Variants in SLC7A14 observed in about 807,000 individuals in gnomAD.
SLC7A14 encodes the protein gamma-aminobutyric acid transporter SLC7A14.
Under a neutral mutation model 60.2 loss-of-function variants are expected in SLC7A14, and 37 were observed. The observed-to-expected ratio is 0.61, with a 90% CI of 0.47 to 0.81. SLC7A14 has a LOEUF of 0.81. Ranked by LOEUF, SLC7A14 falls within the 30% of genes least tolerant of loss-of-function variation. The pLI is 0.00. For synonymous variants in SLC7A14, 399 were observed against 395.8 expected, an observed-to-expected ratio of 1.01 and a Z score of -0.10; for missense variants, 886 against 982.7, an observed-to-expected ratio of 0.90 and a Z score of 1.32.
rs1389908387 is a variant in SLC7A14 at position 170,465,371 on chromosome 3, G to A, written c.*1684C>T. 6.6e-6 allele frequency: 1 copy of A among 152,250 alleles called. No homozygotes were observed. Among genetic ancestry groups the A allele is most frequent in the African/African-American group, 2.4e-5 (1 of 41,460 alleles). 9.4% of individuals were successfully genotyped at this position (152,250 alleles called of 1,614,324 possible). On this transcript the variant is annotated 3_prime_UTR_variant, in exon 8 of 8. Transcript: ENST00000231706. ...CTCCAGTGCTGCTCATCCATGGACT[G>A]TAGCCCCCAAGGGCAAGTGCCATGC...
chr3:170,507,755 T>C (rs924867163), intron 2 of SLC7A14, among the ~76,000 whole-genome samples: 1 of 152,218 alleles, frequency 6.6e-6, no homozygotes. Flanking sequence ...TGTAGAACTC[T>C]ATTTTCCACA....
intron 7 of SLC7A14, among the ~76,000 whole-genome samples, chr3:170,469,190 G>T (rs895437311): frequency 3.3e-5 from 5 of 152,108 alleles, no homozygotes; most frequent in Admixed American, 1.3e-4. Flanking sequence ...GCTTCTGCTG[G>T]GCTGGTTTGC....
chr3:170,531,241 C>T (rs1713670931), intron 1 of SLC7A14, among the ~76,000 whole-genome samples: 1 of 152,006 alleles, frequency 6.6e-6, no homozygotes, highest in Non-Finnish European at 1.5e-5. Context: ...ACAGGTACTT[C>T]CGGTTTCCTT....
At chr3:170,486,473 G>T in intron 4 of SLC7A14, 105 bp from the exon 5 acceptor site, 1 of 1,420,606 alleles carries the variant, frequency 7.0e-7, no homozygotes, top group Non-Finnish European at 9.8e-7. Flanking sequence ...TGACTGAGTG[G>T]CTGAGGGAGT....
intron 4 of SLC7A14, among the ~76,000 whole-genome samples, chr3:170,492,883 A>T (rs952389195): frequency 4.6e-5 from 7 of 152,064 alleles, no homozygotes; most frequent in Non-Finnish European, 8.8e-5. Context: ...TTTTCACAGC[A>T]TTTTCTACCA....
At chr3:170,490,779 T>C (rs1365303374) in intron 4 of SLC7A14, among the ~76,000 whole-genome samples, 1 of 152,218 alleles carries the variant, frequency 6.6e-6, no homozygotes, top group Non-Finnish European at 1.5e-5. Flanking sequence ...CTTAACCTCT[T>C]GGAGCCTAAG....
At chr3:170,584,716 C>A (rs1715330048) in intron 1 of SLC7A14, among the ~76,000 whole-genome samples, 1 of 152,178 alleles carries the variant, frequency 6.6e-6, no homozygotes, top group African/African-American at 2.4e-5. Flanking sequence ...TTCAGCACCG[C>A]GGACAGCGCC....
intron 1 of SLC7A14, among the ~76,000 whole-genome samples, chr3:170,568,452 C>T (rs1480379913): frequency 5.3e-5 from 8 of 152,112 alleles, no homozygotes; most frequent in Non-Finnish European, 1.2e-4. Context: ...ATGATGCCTC[C>T]AGCTTTGTTC....
At chr3:170,545,699 C>T (rs574293457) in intron 1 of SLC7A14, among the ~76,000 whole-genome samples, 2 of 152,346 alleles carry the variant, frequency 1.3e-5, no homozygotes, top group South Asian at 2.1e-4. Context: ...TTATAGCCAC[C>T]TCAATCTTTG....
intron 1 of SLC7A14, among the ~76,000 whole-genome samples, chr3:170,556,361 TCTTTGGCTTTAG>T (rs2108307808): frequency 6.6e-6 from 1 of 152,310 alleles, no homozygotes; most frequent in African/African-American, 2.4e-5. Flanking sequence ...AAGTGGGAAG[TCTTTGGCTTTAG>T]CTTTGGCTTT....
chr3:170,526,270 C>T (rs1378603284), intron 2 of SLC7A14, among the ~76,000 whole-genome samples: 1 of 151,238 alleles, frequency 6.6e-6, no homozygotes. Context: ...GGCGTGGTGG[C>T]GGGCGCCTAT....
chr3:170,522,910 C>G (rs1207334469), intron 2 of SLC7A14, among the ~76,000 whole-genome samples: 1 of 152,164 alleles, frequency 6.6e-6, no homozygotes, highest in Non-Finnish European at 1.5e-5. Context: ...TATCTCTCAA[C>G]CTATCTATCA....
intron 1 of SLC7A14, among the ~76,000 whole-genome samples, chr3:170,530,630 T>C (rs1390531798): frequency 6.6e-6 from 1 of 152,172 alleles, no homozygotes; most frequent in East Asian, 1.9e-4. Context: ...TGACTTACTT[T>C]CTAAAAGCTC....
At chr3:170,496,762 G>A (rs1360358063) in intron 4 of SLC7A14, 8 of 737,450 alleles carry the variant, frequency 1.1e-5, no homozygotes, top group Admixed American at 3.6e-5. Context: ...CTCCAGCTTT[G>A]GCTCTGTCGC....
chr3:170,573,721 A>G (rs1448059208), intron 1 of SLC7A14, among the ~76,000 whole-genome samples: 1 of 152,256 alleles, frequency 6.6e-6, no homozygotes, highest in East Asian at 1.9e-4. Context: ...TTTGAAGGAC[A>G]CAACTATTCT....
intron 1 of SLC7A14, among the ~76,000 whole-genome samples, chr3:170,575,908 A>G (rs1486821943): frequency 1.3e-5 from 2 of 152,204 alleles, no homozygotes; most frequent in Admixed American, 6.5e-5. Context: ...CTGGCTGAAT[A>G]AATACATCCA....
chr3:170,495,971 G>T lies in SLC7A14; in HGVS notation c.759+2696C>A, dbSNP rs909389776. 1.9e-5 allele frequency: 23 copies of T among 1,229,456 alleles called. No homozygotes were observed. The African/African-American group carries it at 3.3e-4, about 17-fold the overall frequency. 76.2% of individuals were successfully genotyped at this position (1,229,456 alleles called of 1,614,324 possible). A position where few individuals can be genotyped will look rare whatever the true frequency, so the allele number is the denominator to read the frequency against. Reference sequence around the variant, plus strand: ...TGGAGGACTTCAAGAACAAGTATGAGGATGAGATCAATAAGCGTACAGAAA... The same window carrying T: ...TGGAGGACTTCAAGAACAAGTATGATGATGAGATCAATAAGCGTACAGAAA... On this transcript the variant is annotated intron_variant, in intron 4 of 7. Coordinates refer to ENST00000231706, the MANE Select transcript of SLC7A14 (RefSeq NM_020949.3).
chr3:170,470,463 C>A (rs1374177442), intron 7 of SLC7A14, among the ~76,000 whole-genome samples: 1 of 152,052 alleles, frequency 6.6e-6, no homozygotes, highest in Non-Finnish European at 1.5e-5. Context: ...TTGCCCTGAA[C>A]CCCCTGGAGT....
At chr3:170,521,208 C>T (rs1713330915) in intron 2 of SLC7A14, among the ~76,000 whole-genome samples, 2 of 152,166 alleles carry the variant, frequency 1.3e-5, no homozygotes, top group Admixed American at 1.3e-4. Context: ...GTGGGAGGAG[C>T]TTGGCAAGTT....
Sources: gnomAD v4.1 joint callset for allele counts (sites outside exome capture counted in the v4.1 genomes callset) on GRCh38, gnomAD v4.1.1 for gene constraint, MANE v1.5 for transcripts, NCBI Gene and HGNC (gene_info 2026-07-23, HGNC 2026-07-21) for gene names.